CCDC7: variants seen among roughly 807,000 people sequenced by gnomAD.
The protein encoded by CCDC7 is coiled-coil domain-containing protein 7.
Under a neutral mutation model 196.9 loss-of-function variants are expected in CCDC7, and 183 were observed. The observed-to-expected ratio is 0.93, with a 90% CI of 0.82 to 1.05. The LOEUF (loss-of-function observed/expected upper bound fraction) is 1.05. CCDC7 is among the 50% of genes least tolerant of loss of function. The pLI, the probability that CCDC7 is intolerant of heterozygous loss-of-function variation, is 0.00. For missense variants in CCDC7, 1,540 were observed against 1,482.2 expected, an observed-to-expected ratio of 1.04 and a Z score of -0.64; for synonymous variants, 525 against 484.6, an observed-to-expected ratio of 1.08 and a Z score of -1.10.
intron 6 of CCDC7, among the ~76,000 whole-genome samples, chr10:32,472,135 G>A (rs2038080904): frequency 6.6e-6 from 1 of 152,200 alleles, no homozygotes; most frequent in Middle Eastern, 3.4e-3. Context: ...GTCTCACTCC[G>A]GAACTTATGT....
At chr10:32,657,950 C>G (rs566313331) in intron 20 of CCDC7, among the ~76,000 whole-genome samples, 2 of 152,346 alleles carry the variant, frequency 1.3e-5, no homozygotes, top group African/African-American at 4.8e-5. Context: ...CAAAATGCTA[C>G]CAGTCTCTTT....
chr10:32,788,941 C>A (rs913125507), intron 29 of CCDC7, among the ~76,000 whole-genome samples: 2 of 152,210 alleles, frequency 1.3e-5, no homozygotes, highest in Non-Finnish European at 2.9e-5. Flanking sequence ...TGGACCCAGG[C>A]TCTAGGCCCA....
intron 18 of CCDC7, among the ~76,000 whole-genome samples, chr10:32,604,518 A>G (rs1045976456): frequency 6.6e-6 from 1 of 152,054 alleles, no homozygotes; most frequent in African/African-American, 2.4e-5. Context: ...TTTAGGTAGT[A>G]TCTTTATTTT....
At chr10:32,612,778 G>A (rs1039322797) in intron 18 of CCDC7, among the ~76,000 whole-genome samples, 9 of 152,098 alleles carry the variant, frequency 5.9e-5, no homozygotes, top group Non-Finnish European at 1.2e-4. Flanking sequence ...CTTGATCATG[G>A]TGGATAAGCT....
chr10:32,464,496 GTGTTTGTT>G (rs33997704), intron 5 of CCDC7, among the ~76,000 whole-genome samples: 8 of 151,328 alleles, frequency 5.3e-5, no homozygotes, highest in African/African-American at 1.7e-4. Context: ...TCAAGACTTT[GTGTTTGTT>G]TGTTTGTTTG....
intron 29 of CCDC7, among the ~76,000 whole-genome samples, chr10:32,789,588 T>C (rs1281858450): frequency 6.7e-6 from 1 of 149,526 alleles, no homozygotes; most frequent in Non-Finnish European, 1.5e-5. Context: ...ACAAGAATTA[T>C]GGGACACTGC....
At chr10:32,867,811 T>G (rs1026370115) in intron 41 of CCDC7, among the ~76,000 whole-genome samples, 1 of 151,858 alleles carries the variant, frequency 6.6e-6, no homozygotes, top group Non-Finnish European at 1.5e-5. Flanking sequence ...AAGTGTACAG[T>G]TTAGTCGCAT....
chr10:32,610,748 G>A (rs2062031572), intron 18 of CCDC7, among the ~76,000 whole-genome samples: 1 of 152,162 alleles, frequency 6.6e-6, no homozygotes, highest in Admixed American at 6.5e-5. Flanking sequence ...CAAAGGACAT[G>A]AACTCATCCT....
intron 25 of CCDC7, among the ~76,000 whole-genome samples, chr10:32,715,947 G>A (rs1036162869): frequency 2.0e-5 from 3 of 152,254 alleles, no homozygotes; most frequent in South Asian, 2.1e-4. Context: ...TGAAAGAGAC[G>A]GGGAGAATGA....
chr10:32,707,233 C>G (rs2079935722), intron 24 of CCDC7, among the ~76,000 whole-genome samples: 1 of 152,168 alleles, frequency 6.6e-6, no homozygotes, highest in South Asian at 2.1e-4. Flanking sequence ...ATGATTGTGT[C>G]AATAGATGCA....
chr10:32,873,873 T>C (rs2094513032), intron 41 of CCDC7, among the ~76,000 whole-genome samples: 1 of 151,932 alleles, frequency 6.6e-6, no homozygotes, highest in African/African-American at 2.4e-5. Context: ...CATTTATCTA[T>C]GTCCTTGCCA....
chr10:32,511,348 T>C, intron 9 of CCDC7: 2 of 1,604,698 alleles, frequency 1.2e-6, no homozygotes, highest in Non-Finnish European at 8.5e-7. Context: ...TGGCAACTTT[T>C]GATGCATTTT....
chr10:32,579,987 G>T (rs2058592094), intron 16 of CCDC7, among the ~76,000 whole-genome samples: 1 of 151,864 alleles, frequency 6.6e-6, no homozygotes, highest in African/African-American at 2.4e-5. Context: ...CTTACAAGCA[G>T]AATAGCGAGC....
intron 32 of CCDC7, among the ~76,000 whole-genome samples, chr10:32,829,536 T>C (rs1440335032): frequency 6.6e-6 from 1 of 152,260 alleles, no homozygotes; most frequent in Non-Finnish European, 1.5e-5. Flanking sequence ...ATTTAAGTAT[T>C]GTTAACTTTA....
At chr10:32,627,269 T>C (rs1166879865) in intron 18 of CCDC7, among the ~76,000 whole-genome samples, 1 of 152,010 alleles carries the variant, frequency 6.6e-6, no homozygotes, top group Non-Finnish European at 1.5e-5. Flanking sequence ...TTATTCCTAA[T>C]TTATTTTTTA....
At chr10:32,526,928 C>T (rs938978225) in intron 11 of CCDC7, among the ~76,000 whole-genome samples, 16 of 152,128 alleles carry the variant, frequency 1.1e-4, no homozygotes, top group African/African-American at 2.9e-4. Flanking sequence ...TCGTAGGTCA[C>T]GTGCCACCCA....
At chr10:32,688,977 T>G in intron 22 of CCDC7, 76 bp from the exon 24 acceptor site, 1 of 927,070 alleles carries the variant, frequency 1.1e-6, no homozygotes, top group Non-Finnish European at 1.7e-6. Flanking sequence ...CCACTGCACA[T>G]TCGTAAATTT....
intron 18 of CCDC7, among the ~76,000 whole-genome samples, chr10:32,587,805 T>C (rs1030855986): frequency 1.3e-5 from 2 of 152,242 alleles, no homozygotes; most frequent in African/African-American, 4.8e-5. Flanking sequence ...TGAATAACAG[T>C]GATGAAAGTG....
intron 29 of CCDC7, among the ~76,000 whole-genome samples, chr10:32,788,604 C>T (rs1050768385): frequency 6.6e-6 from 1 of 152,122 alleles, no homozygotes; most frequent in African/African-American, 2.4e-5. Context: ...AGGCTTTAGG[C>T]CAGCACCCAT....
Sources: gnomAD v4.1 joint callset for allele counts (sites outside exome capture counted in the v4.1 genomes callset) on GRCh38, gnomAD v4.1.1 for gene constraint, MANE v1.5 for transcripts, NCBI Gene and HGNC (gene_info 2026-07-23, HGNC 2026-07-21) for gene names.